Variants in NINL observed in about 807,000 individuals in gnomAD.
NINL encodes ninein-like protein.
Under a neutral mutation model 160.3 loss-of-function variants are expected in NINL, and 153 were observed. The ratio of observed to expected loss-of-function variants is 0.95; its 90% CI spans 0.84 to 1.09. The LOEUF is 1.09. Among genes scored for constraint, NINL ranks in the 50% least tolerant of loss-of-function variants. The pLI, the probability that NINL is intolerant of heterozygous loss-of-function variation, is 0.00. For synonymous variants in NINL, 800 were observed against 734.8 expected, an observed-to-expected ratio of 1.09 and a Z score of -1.43; for missense variants, 1,829 against 1,764.0, an observed-to-expected ratio of 1.04 and a Z score of -0.66.
intron 1 of NINL, among the ~76,000 whole-genome samples, chr20:25,538,022 G>A (rs2064591256): frequency 6.6e-6 from 1 of 152,160 alleles, no homozygotes; most frequent in Non-Finnish European, 1.5e-5. Flanking sequence ...CCCAGGCTGG[G>A]GACTCTCCTG....
intron 11 of NINL, among the ~76,000 whole-genome samples, 170 bp from the exon 12 acceptor site, chr20:25,490,155 C>T (rs1482084685): frequency 1.3e-5 from 2 of 152,226 alleles, no homozygotes; most frequent in African/African-American, 4.8e-5. Flanking sequence ...GGGATGTCCC[C>T]CACCCTCCCA....
At chr20:25,583,638 G>A (rs2065197482) in intron 1 of NINL, among the ~76,000 whole-genome samples, 1 of 152,176 alleles carries the variant, frequency 6.6e-6, no homozygotes, top group Admixed American at 6.5e-5. Context: ...ATACCCAAAG[G>A]ACTATAAATC....
intron 2 of NINL, among the ~76,000 whole-genome samples, chr20:25,523,797 C>T (rs905290450): frequency 7.1e-6 from 1 of 140,844 alleles, no homozygotes; most frequent in Non-Finnish European, 1.5e-5. Context: ...TGCGTGCCAC[C>T]ACGCCGGCTA....
intron 1 of NINL, among the ~76,000 whole-genome samples, chr20:25,570,785 C>T (rs1412911854): frequency 1.3e-5 from 2 of 148,428 alleles, no homozygotes; most frequent in Non-Finnish European, 3.0e-5. Flanking sequence ...TCACTGCAAC[C>T]TCCACCTCCC....
chr20:25,480,649 C>T (rs1025671921), intron 14 of NINL, among the ~76,000 whole-genome samples: 1 of 152,142 alleles, frequency 6.6e-6, no homozygotes, highest in African/African-American at 2.4e-5. Flanking sequence ...GATGATGTGC[C>T]GATGACCACA....
chr20:25,455,930 TA>T (rs1035510704), intron 22 of NINL, 144 bp from the exon 23 acceptor site: 142 of 647,732 alleles, frequency 2.2e-4, no homozygotes, highest in Middle Eastern at 1.2e-3. Context: ...CCATCTCTAC[TA>T]AAAAAAATAG....
chr20:25,520,791 C>A (rs565385695), intron 2 of NINL, among the ~76,000 whole-genome samples: 1 of 152,320 alleles, frequency 6.6e-6, no homozygotes, highest in South Asian at 2.1e-4. Flanking sequence ...TAGGATATGT[C>A]TTTTCTCTAG....
Position 25,467,470 on chromosome 20 carries a change from G to A in NINL, c.3354-12C>T, listed in dbSNP as rs773542895. 4 of 1,610,012 alleles carry A rather than the reference G, an allele frequency of 2.5e-6. No homozygotes were observed. Among genetic ancestry groups the A allele is most frequent in the South Asian group, 1.1e-5 (1 of 91,004 alleles). On this transcript the variant is annotated splice_polypyrimidine_tract_variant and intron_variant, in intron 18 of 23. Coordinates refer to ENST00000278886, the MANE Select transcript of NINL (RefSeq NM_025176.6). ...CCTCAATTTCCTTCCTGTTGAAGAA[G>A]CACAATTAACAGTGATACCACTTGT...
At chr20:25,558,488 C>T (rs989098107) in intron 1 of NINL, among the ~76,000 whole-genome samples, 6 of 152,202 alleles carry the variant, frequency 3.9e-5, no homozygotes, top group Non-Finnish European at 7.3e-5. Flanking sequence ...CATGAGCCTG[C>T]CCAACCCTTC....
intron 3 of NINL, among the ~76,000 whole-genome samples, chr20:25,515,682 T>A (rs2064147774): frequency 6.6e-6 from 1 of 152,186 alleles, no homozygotes; most frequent in Non-Finnish European, 1.5e-5. Flanking sequence ...GGTGATTGAA[T>A]CATGGAGGCA....
chr20:25,583,475 C>A (rs568239051), intron 1 of NINL, among the ~76,000 whole-genome samples: 12 of 152,276 alleles, frequency 7.9e-5, no homozygotes, highest in African/African-American at 2.4e-4. Flanking sequence ...AAGGAAACAA[C>A]AGATGCTGGA....
intron 17 of NINL, among the ~76,000 whole-genome samples, chr20:25,473,842 T>C (rs889271924): frequency 3.3e-5 from 5 of 152,078 alleles, no homozygotes; most frequent in Admixed American, 3.3e-4. Flanking sequence ...CACTCCAGTC[T>C]GGGCAACAGA....
At chr20:25,575,779 G>T (rs952956768) in intron 1 of NINL, among the ~76,000 whole-genome samples, 1 of 151,198 alleles carries the variant, frequency 6.6e-6, no homozygotes. Flanking sequence ...AAAAAAACTT[G>T]TAAGAATAGT....
chr20:25,530,989 C>T (rs184046515), intron 1 of NINL, among the ~76,000 whole-genome samples: 35 of 152,196 alleles, frequency 2.3e-4, no homozygotes, highest in African/African-American at 6.3e-4. Context: ...AGCCTGGGAG[C>T]GCTACGGGAG....
Position 25,476,087 on chromosome 20 carries a change from G to A in NINL, c.3204C>T (p.Val1068=), listed in dbSNP as rs2063225951. The A allele has an allele frequency of 5.0e-6, 8 of 1,613,884 alleles. No individual in the cohort carries two copies. Among genetic ancestry groups the A allele is most frequent in the South Asian group, 1.1e-5 (1 of 91,074 alleles). Residue 1068 remains valine (V), a synonymous_variant, in exon 17 of 24, where the codon GTC becomes GTT. Coordinates refer to ENST00000278886, the MANE Select transcript of NINL (RefSeq NM_025176.6). ...CTACATGTTTCTCCAGAGCCCGGAC[G>A]ACGTCTTCCAGATGTAGAAGTTTGG... is the stretch of plus-strand genomic sequence containing the variant. ...METKLLHLED[V]VRALEKHVDL... is the part of the protein sequence containing the mutation.
At chr20:25,472,324 G>GATGGATAT (rs2063115481) in intron 17 of NINL, among the ~76,000 whole-genome samples, 1 of 83,982 alleles carries the variant, frequency 1.2e-5, no homozygotes, top group Admixed American at 1.6e-4. Context: ...GGGAGGAGAG[G>GATGGATAT]ATATATATAT....
At chr20:25,462,084 C>T (rs184965213) in intron 20 of NINL, among the ~76,000 whole-genome samples, 14 of 152,232 alleles carry the variant, frequency 9.2e-5, no homozygotes, top group Admixed American at 2.6e-4. Context: ...CCATCGGAAT[C>T]GTGAAGTCAA....
At position 25,515,858 on chromosome 20, in the gene NINL, C is replaced by T. The variant is rs565093964; in HGVS notation, c.277+1895G>A. 9.2e-5 allele frequency among the ~76,000 whole-genome samples: 14 copies of T among 152,310 alleles called. No homozygotes were observed. In the East Asian group the frequency reaches 1.3e-3, roughly 15 times the overall value. Reference sequence around the variant, plus strand: ...CAATCTCGGCTCACTGCAAGCTCCACGTCCCAGGTTCACACCATTCTCCTG... The same window carrying T: ...CAATCTCGGCTCACTGCAAGCTCCATGTCCCAGGTTCACACCATTCTCCTG... On this transcript the variant is annotated intron_variant, in intron 3 of 23. Transcript: ENST00000278886.
At chr20:25,577,726 C>A (rs937572148) in intron 1 of NINL, among the ~76,000 whole-genome samples, 1 of 152,046 alleles carries the variant, frequency 6.6e-6, no homozygotes, top group Non-Finnish European at 1.5e-5. Flanking sequence ...TCCATCCTGG[C>A]GGGGGAGCCC....
Sources: allele counts gnomAD v4.1 joint callset (sites outside exome capture counted in the v4.1 genomes callset), GRCh38; gene constraint gnomAD v4.1.1; transcripts MANE v1.5; gene names NCBI Gene and HGNC (gene_info 2026-07-23, HGNC 2026-07-21).